The following ZSCAN5A variants were observed in gnomAD, a reference collection of about 807,000 sequenced individuals.
ZSCAN5A encodes the protein zinc finger and SCAN domain-containing protein 5A.
ZSCAN5A carries 12 observed loss-of-function variants against 23.7 expected under a neutral mutation model. That is an observed-to-expected ratio of 0.51 (90% CI 0.32 to 0.82). The LOEUF is 0.82. Among genes scored for constraint, ZSCAN5A ranks in the 40% least tolerant of loss-of-function variants. ZSCAN5A has a pLI of 0.03. For missense variants in ZSCAN5A, 597 were observed against 617.9 expected (o/e 0.97, Z 0.36); for synonymous variants, 257 against 239.9 (o/e 1.07, Z -0.66).
intron 1 of ZSCAN5A, among the ~76,000 whole-genome samples, chr19:56,364,619 C>T (rs1206321062): frequency 6.6e-6 from 1 of 152,172 alleles, no homozygotes; most frequent in African/African-American, 2.4e-5. Flanking sequence ...GTGCACATGG[C>T]CATAGAGAGA....
chr19:56,223,233 G>A (rs1315196221), intron 4 of ZSCAN5A, among the ~76,000 whole-genome samples: 3 of 152,126 alleles, frequency 2.0e-5, no homozygotes, highest in Admixed American at 2.0e-4. Context: ...TGTCCGGAAA[G>A]GCAGAATCAC....
At chr19:56,359,833 A>G (rs923347089) in intron 2 of ZSCAN5A, among the ~76,000 whole-genome samples, 2 of 152,212 alleles carry the variant, frequency 1.3e-5, no homozygotes, top group Non-Finnish European at 2.9e-5. Context: ...AAAACACAAC[A>G]CTATCTTAAC....
At chr19:56,247,865 G>A (rs947167019) in intron 2 of ZSCAN5A, among the ~76,000 whole-genome samples, 2 of 151,814 alleles carry the variant, frequency 1.3e-5, no homozygotes, top group African/African-American at 4.8e-5. Context: ...CTAATTTTTT[G>A]TACTTTTAGT....
chr19:56,258,371 ACCTTCCAGTGTGGGGGTGACGGACACG>A (rs757795697), intron 2 of ZSCAN5A, among the ~76,000 whole-genome samples: 10,354 of 149,600 alleles, frequency 0.069, 1,219 homozygotes, highest in African/African-American at 0.25. Flanking sequence ...TGAAGGTCTC[ACCTTCCAGTGTGGGGGTGACGGACACG>A]CCTTCCAGTG....
Position 56,352,060 on chromosome 19 carries a change from G to A in ZSCAN5A, c.-358+11175C>T, listed in dbSNP as rs973033746. 2.0e-5 allele frequency among the ~76,000 whole-genome samples: 3 copies of A among 152,082 alleles called. No individual in the cohort carries two copies. The highest frequency in any genetic ancestry group is 1.3e-4 in the Admixed American group (2 of 15,272). On this transcript the variant is annotated intron_variant, in intron 2 of 6. Transcript: ENST00000587340. This position sits in a 1 kb window ranked among gnomAD's most constrained non-coding sequence, Gnocchi z 4.2. Reference sequence around the variant, plus strand: ...ATGGAGTGCCTTCTTTATGCCCTGCGCTTGGGTATGCTTTGGTGGATAGTG... The same window carrying A: ...ATGGAGTGCCTTCTTTATGCCCTGCACTTGGGTATGCTTTGGTGGATAGTG...
In ZSCAN5A at chr19:56,224,850, G is replaced by C; in HGVS notation, c.197C>G (p.Thr66Ser). ...CCTCAGCCACAGATGGCACAGCTCAGTGAGTTTCCTCAGAGCCTGGATGGG... is the reference window on the plus strand; with the variant it reads ...CCTCAGCCACAGATGGCACAGCTCACTGAGTTTCCTCAGAGCCTGGATGGG... ...SDPIQALRKL[T>S]ELCHLWLRPD... The change falls in exon 3 of 6, where the codon ACT (threonine) becomes AGT (serine). Residue 66 changes from threonine to serine, a missense_variant. Thr to Ser is a moderately conservative substitution (Grantham distance 58). Transcript: ENST00000683990. 4 of 1,613,882 alleles carry C rather than the reference G, an allele frequency of 2.5e-6. No individual in the cohort carries two copies. The highest frequency in any genetic ancestry group is 4.5e-5 in the East Asian group (2 of 44,888).
chr19:56,327,901 G>C (rs567905369), intron 2 of ZSCAN5A, among the ~76,000 whole-genome samples: 1 of 152,002 alleles, frequency 6.6e-6, no homozygotes, highest in African/African-American at 2.4e-5. Flanking sequence ...AAATGAATAT[G>C]TGTAGTATAG....
chr19:56,234,495 T>C (rs1051182161), intron 2 of ZSCAN5A, among the ~76,000 whole-genome samples: 3 of 151,042 alleles, frequency 2.0e-5, no homozygotes, highest in African/African-American at 7.4e-5. Context: ...CAATACCTGT[T>C]TTAAAAAAAA....
intron 2 of ZSCAN5A, among the ~76,000 whole-genome samples, chr19:56,241,919 G>A (rs573565196): frequency 8.9e-4 from 135 of 152,206 alleles, no homozygotes; most frequent in Non-Finnish European, 1.7e-3. Context: ...CTGAGATTTG[G>A]GGTATGACTC....
At chr19:56,282,629 T>A (rs962071121) in intron 2 of ZSCAN5A, 2 of 390,332 alleles carry the variant, frequency 5.1e-6, no homozygotes, top group African/African-American at 4.4e-5. Context: ...ATAGCGGAAC[T>A]AGTAAAACCA....
intron 2 of ZSCAN5A, among the ~76,000 whole-genome samples, chr19:56,322,847 G>A (rs2041390917): frequency 6.8e-6 from 1 of 147,424 alleles, no homozygotes; most frequent in Non-Finnish European, 1.5e-5. Flanking sequence ...GTAAATAGTT[G>A]TTAGACTCTC....
chr19:56,242,371 C>T (rs747283084), intron 2 of ZSCAN5A, among the ~76,000 whole-genome samples: 33 of 152,164 alleles, frequency 2.2e-4, no homozygotes, highest in Non-Finnish European at 3.8e-4. Context: ...CCACTTCTAG[C>T]GGGTTATGTG....
chr19:56,277,394 A>AT (rs1284063995), intron 2 of ZSCAN5A, among the ~76,000 whole-genome samples: 1 of 152,222 alleles, frequency 6.6e-6, no homozygotes, highest in African/African-American at 2.4e-5. Context: ...ATCGTGTGTG[A>AT]GCCTTGAAAA....
chr19:56,226,371 C>A (rs1343878746), intron 2 of ZSCAN5A, among the ~76,000 whole-genome samples: 3 of 152,188 alleles, frequency 2.0e-5, no homozygotes, highest in Non-Finnish European at 4.4e-5. Context: ...CAAACTCCTC[C>A]AGAGCGAGAA....
At chr19:56,289,185 T>C (rs1022637335) in intron 2 of ZSCAN5A, among the ~76,000 whole-genome samples, 28 of 152,354 alleles carry the variant, frequency 1.8e-4, no homozygotes, top group African/African-American at 6.7e-4. Context: ...GATTTCAGGA[T>C]GCTAAGGGTC....
chr19:56,225,033 C>T lies in ZSCAN5A; in HGVS notation c.14G>A (p.Cys5Tyr). ...TTCTCCTAGACTCCATGAGGATGTG[C>T]AATTTGCAGCCATATCTAGTGGAGA... is the stretch of plus-strand genomic sequence containing the variant. The part of the protein sequence containing the change: MAAN[C>Y]TSSWSLGESC... Residue 5 changes from cysteine (C) to tyrosine (Y), a missense_variant, in exon 3 of 6, where the codon TGC becomes TAC. Transcript: ENST00000683990. 1 of 1,597,798 alleles carries T rather than the reference C, an allele frequency of 6.3e-7. No homozygotes were observed. The highest frequency in any genetic ancestry group is 8.5e-7 in the Non-Finnish European group (1 of 1,170,304).
At chr19:56,285,999 A>G (rs1219010124) in intron 2 of ZSCAN5A, among the ~76,000 whole-genome samples, 1 of 152,132 alleles carries the variant, frequency 6.6e-6, no homozygotes, top group African/African-American at 2.4e-5. Context: ...CCACACCTTC[A>G]GCAGCATGGG....
chr19:56,354,917 T>C lies in ZSCAN5A; in HGVS notation c.-358+8318A>G, dbSNP rs145873972. Among the ~76,000 whole-genome samples the C allele has an allele frequency of 1.2e-4, 18 of 152,328 alleles. No individual in the cohort carries two copies. The East Asian group carries it at 3.5e-3, about 29-fold the overall frequency. ...ATCTACTGTGTCATATACAAGACAA[T>C]GTTTCTGGTATTTCCCCAGGAAATC... On this transcript the variant is annotated intron_variant, in intron 2 of 6. Transcript: ENST00000587340.
chr19:56,249,316 G>A (rs1034045580), intron 2 of ZSCAN5A, among the ~76,000 whole-genome samples: 2 of 152,334 alleles, frequency 1.3e-5, no homozygotes, highest in South Asian at 2.1e-4. Context: ...CACCCAGGCT[G>A]GCTGGAGTGC....
Sources: gnomAD v4.1 joint callset for allele counts (sites outside exome capture counted in the v4.1 genomes callset) on GRCh38, gnomAD v4.1.1 for gene constraint, Gnocchi (gnomAD v3.1) non-coding constraint, MANE v1.5 for transcripts, NCBI Gene and HGNC (gene_info 2026-07-23, HGNC 2026-07-21) for gene names.